Variants in VPS13D observed in about 807,000 individuals in gnomAD.
VPS13D encodes the protein vacuolar protein sorting 13 homolog D.
In VPS13D, 187 loss-of-function variants were observed where a neutral mutation model predicts 461.9. The ratio of observed to expected loss-of-function variants is 0.40; its 90% CI spans 0.36 to 0.46. The LOEUF (loss-of-function observed/expected upper bound fraction) is 0.46, where lower values mean the gene tolerates loss of function less well. Ranked by LOEUF, VPS13D falls within the 20% of genes least tolerant of loss-of-function variation. The pLI, the probability that VPS13D is intolerant of heterozygous loss-of-function variation, is 0.60. For missense variants in VPS13D, 4,711 were observed against 5,364.9 expected (o/e 0.88, Z 3.81); for synonymous variants, 1,951 against 1,986.3 (o/e 0.98, Z 0.47).
chr1:12,509,323 A>G lies in VPS13D; in HGVS notation c.*299A>G, dbSNP rs991315314. On this transcript the variant is annotated 3_prime_UTR_variant, in exon 70 of 70. Transcript: ENST00000620676. ...ATTGCCCTGTATTTTGTTAACATGT[A>G]TATATGTACAACAGTGTGTTTGTAA... 2.4e-5 allele frequency: 8 copies of G among 334,472 alleles called. No homozygotes were observed. The highest frequency in any genetic ancestry group is 1.5e-4 in the African/African-American group (7 of 47,490). The allele number at this position is 334,472 out of a possible 1,614,324, so 20.7% of individuals were successfully genotyped here.
At chr1:12,323,830 T>G in intron 35 of VPS13D, 50 bp downstream of exon 35, 1 of 1,573,248 alleles carries the variant, frequency 6.4e-7, no homozygotes, top group Non-Finnish European at 8.7e-7. Flanking sequence ...ATGATATGCT[T>G]CCTTCCCATT....
chr1:12,409,899 G>C lies in VPS13D; in HGVS notation c.12031-5188G>C, dbSNP rs1367653524. 8 of 456,148 alleles carry C rather than the reference G, an allele frequency of 1.8e-5. No individual in the cohort carries two copies. The East Asian group carries it at 5.6e-4, about 32-fold the overall frequency. 28.3% of individuals were successfully genotyped at this position (456,148 alleles called of 1,614,324 possible). A position where few individuals can be genotyped will look rare whatever the true frequency, so the allele number is the denominator to read the frequency against. On this transcript the variant is annotated intron_variant, in intron 63 of 69. Transcript: ENST00000620676. ...AGAGGAGAGAAACTCAGTAAGGTGA[G>C]CCCAACATTTATTTTGCTTTTATTC...
chr1:12,488,136 G>GT (rs1253072972), intron 67 of VPS13D, among the ~76,000 whole-genome samples: 2 of 152,208 alleles, frequency 1.3e-5, no homozygotes. Flanking sequence ...AGGAGAACTT[G>GT]TCCCCCAGGG....
chr1:12,507,042 G>T lies in VPS13D; in HGVS notation c.12984G>T (p.Val4328=). 6.2e-7 allele frequency: 1 copy of T among 1,614,268 alleles called. No individual in the cohort carries two copies. The highest frequency in any genetic ancestry group is 8.5e-7 in the Non-Finnish European group (1 of 1,180,052). Reference sequence around the variant, plus strand: ...ATGTGCAGGTGACCAAGAAAGCCGTGAGCACGAGCAGTGGAGTGTCCATCC... The same window carrying T: ...ATGTGCAGGTGACCAAGAAAGCCGTTAGCACGAGCAGTGGAGTGTCCATCC... The part of the protein sequence containing the change: ...KVYVQVTKKA[V]STSSGVSIPG... Residue 4328 remains valine (V), a synonymous_variant, in exon 69 of 70, where the codon GTG becomes GTT. Coordinates refer to ENST00000620676, the MANE Select transcript of VPS13D (RefSeq NM_015378.4). This position sits in a 1 kb window ranked among gnomAD's most constrained non-coding sequence, Gnocchi z 5.3.
Position 12,277,236 on chromosome 1 carries a change from T to C in VPS13D, c.3648T>C (p.Ser1216=), listed in dbSNP as rs753248632. 1 of 1,614,240 alleles carries C rather than the reference T, an allele frequency of 6.2e-7. No individual in the cohort carries two copies. Among genetic ancestry groups the C allele is most frequent in the Non-Finnish European group, 8.5e-7 (1 of 1,180,032 alleles). The change falls in exon 19 of 70, where the codon TCT becomes TCC. Residue 1216 remains serine, a synonymous_variant. Transcript: ENST00000620676. ...GTAGCACGTTTGACATGAATGGTTC[T>C]CTTGGCTGTTTACAGCTTATGGATT... is the stretch of plus-strand genomic sequence containing the variant. ...SMGSTFDMNG[S]LGCLQLMDLT... is the part of the protein sequence containing the mutation.
intron 46 of VPS13D, among the ~76,000 whole-genome samples, 158 bp from the exon 47 acceptor site, chr1:12,353,816 G>C (rs922345269): frequency 2.0e-5 from 3 of 151,994 alleles, no homozygotes; most frequent in African/African-American, 7.3e-5. Context: ...ACATATTATT[G>C]TGCATTTATA....
intron 17 of VPS13D, among the ~76,000 whole-genome samples, chr1:12,272,429 G>GTT (rs1641475503): frequency 1.4e-5 from 2 of 147,676 alleles, no homozygotes; most frequent in African/African-American, 5.1e-5. Flanking sequence ...GTGTGTGTGT[G>GTT]TTTCTACATA....
At chr1:12,451,855 A>G (rs1645265850) in intron 65 of VPS13D, among the ~76,000 whole-genome samples, 1 of 152,222 alleles carries the variant, frequency 6.6e-6, no homozygotes, top group African/African-American at 2.4e-5. Context: ...AGATAACATA[A>G]TACTATTTTT....
rs1406018171 is a variant in VPS13D at position 12,397,432 on chromosome 1, C to T, written c.11635-2749C>T. Among the ~76,000 whole-genome samples, 3 of 152,200 alleles carry T rather than the reference C, an allele frequency of 2.0e-5. 1 individual carries two copies. In the South Asian group the frequency reaches 6.2e-4, roughly 32 times the overall value. On this transcript the variant is annotated intron_variant, in intron 60 of 69. Transcript: ENST00000620676. The stretch of plus-strand genomic sequence containing the variant: ...AGGTAGAGTTAGTAATTCTCAGTTA[C>T]GACGCCTTGTGTCAGATGTGTTTAG...
At chr1:12,361,406 T>TA (rs1373532502) in intron 50 of VPS13D, among the ~76,000 whole-genome samples, 178 of 145,484 alleles carry the variant, frequency 1.2e-3, no homozygotes, top group Middle Eastern at 3.5e-3. Flanking sequence ...TTTATTTATT[T>TA]TTTTTTTGAG....
chr1:12,258,361 C>T (rs1321401012), intron 10 of VPS13D, among the ~76,000 whole-genome samples: 21 of 152,154 alleles, frequency 1.4e-4, no homozygotes, highest in Non-Finnish European at 1.5e-5. Context: ...CGCCCACACC[C>T]CTGCCCCCCA....
intron 67 of VPS13D, among the ~76,000 whole-genome samples, chr1:12,479,833 C>T (rs1297049082): frequency 2.0e-5 from 3 of 152,198 alleles, no homozygotes; most frequent in African/African-American, 7.2e-5. Context: ...TGTGCAAAGA[C>T]CCTGGTTCAC....
intron 60 of VPS13D, among the ~76,000 whole-genome samples, chr1:12,396,483 T>G (rs1311832556): frequency 2.0e-5 from 3 of 152,186 alleles, no homozygotes; most frequent in African/African-American, 7.2e-5. Context: ...AACATCATAC[T>G]TGGAACGCTT....
intron 23 of VPS13D, among the ~76,000 whole-genome samples, chr1:12,292,210 G>A (rs1337033841): frequency 7.7e-6 from 1 of 129,126 alleles, no homozygotes. Context: ...AGTGAGCCGG[G>A]ATTGTGCCAC....
chr1:12,260,695 G>A lies in VPS13D; in HGVS notation c.1113G>A (p.Glu371=), dbSNP rs200482221. The change falls in exon 11 of 70, where the codon GAG becomes GAA. Residue 371 remains glutamate (E), a splice_region_variant and synonymous_variant. Coordinates refer to ENST00000620676, the MANE Select transcript of VPS13D (RefSeq NM_015378.4). ...TGCTTTTGTTTTCACCCAAACAGGAGGAAATGTGTCGGATTGAAGAGGAAC... is the reference window on the plus strand; with the variant it reads ...TGCTTTTGTTTTCACCCAAACAGGAAGAAATGTGTCGGATTGAAGAGGAAC... ...KGGLLSTDDK[E]EMCRIEEEQS... The A allele has an allele frequency of 5.9e-5, 95 of 1,613,890 alleles. No individual in the cohort carries two copies. Among genetic ancestry groups the A allele is most frequent in the Non-Finnish European group, 7.6e-5 (90 of 1,179,956 alleles).
chr1:12,481,195 G>A (rs988543231), intron 67 of VPS13D, among the ~76,000 whole-genome samples: 3 of 152,224 alleles, frequency 2.0e-5, no homozygotes, highest in African/African-American at 7.2e-5. Flanking sequence ...CCAGAGGCAC[G>A]GGGAGGCCCA....
chr1:12,259,541 C>CAA (rs2101279475), intron 10 of VPS13D, among the ~76,000 whole-genome samples: 1 of 152,190 alleles, frequency 6.6e-6, no homozygotes, highest in Admixed American at 6.5e-5. Context: ...TGGGCTCAAG[C>CAA]AATTTGCCCG....
In VPS13D at chr1:12,378,581, A is replaced by T. The variant is rs752315192; in HGVS notation, c.11071A>T (p.Thr3691Ser). Residue 3691 changes from threonine to serine, a missense_variant, in exon 56 of 70, where the codon ACT (threonine) becomes TCT (serine). Coordinates refer to ENST00000620676, the MANE Select transcript of VPS13D (RefSeq NM_015378.4). The stretch of plus-strand genomic sequence containing the variant: ...AGATATTGCTGGTCTCGCTGCAGTG[A>T]CTGACAACAGGTAATTTTCTAGGCA... ...ILDIAGLAAV[T>S]DNRYEPLMLR... 2.5e-6 allele frequency: 4 copies of T among 1,571,304 alleles called. No homozygotes were observed. The South Asian group carries it at 4.7e-5, about 19-fold the overall frequency.
chr1:12,331,045 A>G (rs1271456412), intron 37 of VPS13D, among the ~76,000 whole-genome samples: 1 of 152,208 alleles, frequency 6.6e-6, no homozygotes, highest in Non-Finnish European at 1.5e-5. Flanking sequence ...CGTAAACCTC[A>G]ATAATATCGC....
Sources: allele counts gnomAD v4.1 joint callset (sites outside exome capture counted in the v4.1 genomes callset), GRCh38; gene constraint gnomAD v4.1.1; non-coding constraint Gnocchi (gnomAD v3.1); transcripts MANE v1.5; gene names NCBI Gene and HGNC (gene_info 2026-07-23, HGNC 2026-07-21).